The following UBE2W variants were observed in gnomAD, a reference collection of about 807,000 sequenced individuals.
The protein encoded by UBE2W is ubiquitin-conjugating enzyme E2 W.
A neutral mutation model predicts 27.2 loss-of-function variants in UBE2W; 18 were observed. The ratio of observed to expected loss-of-function variants is 0.66; its 90% CI spans 0.46 to 0.98. UBE2W has a LOEUF of 0.98. Among genes scored for constraint, UBE2W ranks in the 50% least tolerant of loss-of-function variants. UBE2W has a pLI of 0.00. For synonymous variants in UBE2W, 53 were observed against 57.2 expected (o/e 0.93, Z 0.33); for missense variants, 90 against 180.2 (o/e 0.50, Z 2.87).
chr8:73,786,187 T>C, downstream of UBE2W: 3 of 979,940 alleles, frequency 3.1e-6, no homozygotes, highest in African/African-American at 3.5e-5. Flanking sequence ...GATAAAGATA[T>C]GAGAAACACC....
chr8:73,858,670 T>C lies in UBE2W; in HGVS notation c.15+20138A>G, dbSNP rs1220817507. On this transcript the variant is annotated intron_variant, in intron 1 of 5. Coordinates refer to ENST00000602593, the MANE Select transcript of UBE2W (RefSeq NM_018299.6). ...GCAGACACCAAAAAAAAAGTCAATGTTAGAAAAAGTGCTAAAAAAAAAAAA... is the reference window on the plus strand; with the variant it reads ...GCAGACACCAAAAAAAAAGTCAATGCTAGAAAAAGTGCTAAAAAAAAAAAA... Among the ~76,000 whole-genome samples the C allele has an allele frequency of 7.9e-5, 9 of 114,256 alleles. No individual in the cohort carries two copies. In the East Asian group the frequency reaches 2.3e-3, roughly 29 times the overall value. The allele number at this position is 114,256 out of a possible 152,430, so 75.0% of individuals were successfully genotyped here.
chr8:73,844,545 T>C (rs961602816), intron 1 of UBE2W, among the ~76,000 whole-genome samples: 34 of 152,196 alleles, frequency 2.2e-4, no homozygotes, highest in African/African-American at 7.2e-4. Context: ...AGTGCCGAGA[T>C]TGCAGCCTCT....
exon 5 of UBE2W, chr8:73,780,458 A>G (rs904888775): frequency 2.2e-6 from 1 of 451,460 alleles, no homozygotes; most frequent in Admixed American, 2.4e-5. Flanking sequence ...AGACTTCAAC[A>G]CATCTTATTG....
downstream of UBE2W, among the ~76,000 whole-genome samples, chr8:73,781,269 CAAAAAA>C (rs72377675): frequency 8.1e-5 from 7 of 86,116 alleles, no homozygotes; most frequent in African/African-American, 1.6e-4. Context: ...GACTCAGTCT[CAAAAAA>C]AAAAAAAAAA....
chr8:73,781,088 G>A (rs917598866), intron 4 of UBE2W, among the ~76,000 whole-genome samples: 4 of 151,444 alleles, frequency 2.6e-5, no homozygotes, highest in Admixed American at 6.6e-5. Context: ...TGGCCAACAT[G>A]GTGAAACCCT....
Position 73,786,260 on chromosome 8 carries a change from ACT to A in UBE2W, c.*7840_*7841del, listed in dbSNP as rs1433553589. The stretch of plus-strand genomic sequence containing the variant: ...ATTTATTTAAAAGTAGTTTTCTCAA[ACT>A]CTCTGGGATAGAAAGAGCAGGGTCC... On this transcript the variant is annotated 3_prime_UTR_variant, in exon 6 of 6. Transcript: ENST00000602593. The A allele has an allele frequency of 2.0e-6, 2 of 985,322 alleles. No homozygotes were observed. The highest frequency in any genetic ancestry group is 2.4e-6 in the Non-Finnish European group (2 of 829,934). 61.0% of individuals were successfully genotyped at this position (985,322 alleles called of 1,614,324 possible).
intron 1 of UBE2W, among the ~76,000 whole-genome samples, chr8:73,867,478 T>A (rs1370061012): frequency 6.6e-6 from 1 of 152,096 alleles, no homozygotes; most frequent in Non-Finnish European, 1.5e-5. Flanking sequence ...GAAGTTGCAG[T>A]GAGCCGAGAT....
At chr8:73,811,301 T>C (rs893773819) in intron 3 of UBE2W, among the ~76,000 whole-genome samples, 2 of 152,214 alleles carry the variant, frequency 1.3e-5, no homozygotes, top group African/African-American at 4.8e-5. Context: ...TTCCTTTCTC[T>C]ATCATGTCTC....
In UBE2W at chr8:73,805,661, C is replaced by T; in HGVS notation, c.432G>A (p.Trp144Ter). The change falls in exon 5 of 6, where the codon TGG becomes TGA. Residue 144 changes from tryptophan (W) to a stop codon, truncating the protein, a stop_gained. Transcript: ENST00000602593. LOFTEE classifies it high-confidence loss of function. ...TCNKNPKKTK[W>*]WYHDDTC is the part of the protein sequence containing the mutation. The stretch of plus-strand genomic sequence containing the variant: ...ATTCAAACTGCTTACCATGATACCA[C>T]CATTTTGTTTTCTTTGGATTCTTGT... 1.3e-6 allele frequency: 2 copies of T among 1,542,924 alleles called. No individual in the cohort carries two copies. The highest frequency in any genetic ancestry group is 1.4e-5 in the African/African-American group (1 of 73,934).
At chr8:73,781,178 G>A (rs1807833707) in intron 4 of UBE2W, among the ~76,000 whole-genome samples, 1 of 151,066 alleles carries the variant, frequency 6.6e-6, no homozygotes, top group African/African-American at 2.4e-5. Flanking sequence ...GCTGAGGCAG[G>A]AGAATTGCTT....
At chr8:73,816,047 C>T (rs1244569709) in intron 3 of UBE2W, among the ~76,000 whole-genome samples, 1 of 152,162 alleles carries the variant, frequency 6.6e-6, no homozygotes, top group East Asian at 1.9e-4. Context: ...GGAATCTTAG[C>T]ATAGCTTTCC....
chr8:73,800,699 C>G lies in UBE2W; in HGVS notation c.442+4952G>C, dbSNP rs981679778. ...TATTTTTTTGGTACTTCTCGGCTTA[C>G]TTGGAGATTACGTGTCTCCAAACTA... On this transcript the variant is annotated intron_variant, in intron 5 of 5. Coordinates refer to ENST00000602593, the MANE Select transcript of UBE2W (RefSeq NM_018299.6). Among the ~76,000 whole-genome samples, 85 of 152,186 alleles carry G rather than the reference C, an allele frequency of 5.6e-4. 1 individual carries two copies. The highest frequency in any genetic ancestry group is 2.1e-3 in the African/African-American group (85 of 41,440).
intron 5 of UBE2W, among the ~76,000 whole-genome samples, chr8:73,801,723 G>A (rs1808654158): frequency 1.3e-5 from 2 of 152,052 alleles, no homozygotes; most frequent in African/African-American, 4.8e-5. Flanking sequence ...ATGAAGAAGC[G>A]GCTTAGTGTT....
At chr8:73,846,483 C>A (rs1394101788) in intron 1 of UBE2W, among the ~76,000 whole-genome samples, 1 of 152,092 alleles carries the variant, frequency 6.6e-6, no homozygotes, top group African/African-American at 2.4e-5. Flanking sequence ...TTTTATAAAG[C>A]AGCACACCAC....
chr8:73,858,862 AG>A (rs1035073182), intron 1 of UBE2W, among the ~76,000 whole-genome samples: 2 of 143,212 alleles, frequency 1.4e-5, no homozygotes, highest in Non-Finnish European at 3.0e-5. Flanking sequence ...CTCTATCATT[AG>A]GGGGGTTTTT....
At chr8:73,836,737 C>T (rs368958120) in intron 1 of UBE2W, among the ~76,000 whole-genome samples, 1 of 152,132 alleles carries the variant, frequency 6.6e-6, no homozygotes, top group African/African-American at 2.4e-5. Context: ...AAAGTATTAA[C>T]AAATTTGTTA....
rs937753632 is a variant in UBE2W at position 73,786,664 on chromosome 8, C to G, written c.*7438G>C. On this transcript the variant is annotated 3_prime_UTR_variant, in exon 6 of 6. Coordinates refer to ENST00000602593, the MANE Select transcript of UBE2W (RefSeq NM_018299.6). ...GCAGTGGAAGCTTGCATTGCTACTG[C>G]TTATGAAACAAGGTTTGTGGACAGC... is the stretch of plus-strand genomic sequence containing the variant. 1 of 985,372 alleles carries G rather than the reference C, an allele frequency of 1.0e-6. No homozygotes were observed. The highest frequency in any genetic ancestry group is 1.7e-5 in the African/African-American group (1 of 57,330). The allele number at this position is 985,372 out of a possible 1,614,324, so 61.0% of individuals were successfully genotyped here. A position where few individuals can be genotyped will look rare whatever the true frequency, so the allele number is the denominator to read the frequency against.
At chr8:73,803,769 C>CTT (rs534146460) in intron 5 of UBE2W, among the ~76,000 whole-genome samples, 16 of 128,396 alleles carry the variant, frequency 1.2e-4, no homozygotes, top group African/African-American at 2.8e-4. Context: ...TTTTTCTTTT[C>CTT]TTTTTTTTTT....
intron 3 of UBE2W, among the ~76,000 whole-genome samples, chr8:73,818,106 A>G (rs571756648): frequency 1.1e-4 from 16 of 152,260 alleles, no homozygotes; most frequent in African/African-American, 3.9e-4. Flanking sequence ...GCCCCCTTAG[A>G]ATATTCTAAA....
Sources: allele counts gnomAD v4.1 joint callset (sites outside exome capture counted in the v4.1 genomes callset), GRCh38; gene constraint gnomAD v4.1.1; transcripts MANE v1.5; gene names NCBI Gene and HGNC (gene_info 2026-07-23, HGNC 2026-07-21).